The following HOXC12 variants were observed in gnomAD, a reference collection of about 807,000 sequenced individuals.
The protein encoded by HOXC12 is homeobox protein Hox-C12.
HOXC12 carries 24 observed loss-of-function variants against 20.9 expected under a neutral mutation model. The ratio of observed to expected loss-of-function variants is 1.15; its 90% CI spans 0.83 to 1.61. HOXC12 has a LOEUF of 1.61. Among genes scored for constraint, HOXC12 ranks in the 40% most tolerant of loss-of-function variants. The pLI, the probability that HOXC12 is intolerant of heterozygous loss-of-function variation, is 0.00. For missense variants in HOXC12, 436 were observed against 406.9 expected (o/e 1.07, Z -0.62); for synonymous variants, 202 against 197.7 (o/e 1.02, Z -0.18).
chr12:53,955,698 A>C (rs1592189572), intron 1 of HOXC12, among the ~76,000 whole-genome samples, 159 bp downstream of exon 1: 2 of 152,306 alleles, frequency 1.3e-5, no homozygotes, highest in East Asian at 3.9e-4. Flanking sequence ...ATAAACATGT[A>C]AACATCCCCA....
intron 1 of HOXC12, among the ~76,000 whole-genome samples, chr12:53,956,015 T>G (rs961297702): frequency 6.6e-6 from 1 of 151,646 alleles, no homozygotes; most frequent in Non-Finnish European, 1.5e-5. Context: ...AGAAGAAAAT[T>G]GGGGAGAGGT....
chr12:53,956,472 A>T lies in HOXC12; in HGVS notation c.755A>T (p.Asn252Ile). ...QRRRELSDRL[N>I]LSDQQVKIWF... ...CGGAGGGAACTCTCAGACCGCTTGA[A>T]TCTTAGTGACCAGCAGGTCAAGATC... The change falls in exon 2 of 2, where the codon AAT becomes ATT. Residue 252 changes from asparagine to isoleucine, a missense_variant. Coordinates refer to ENST00000243103, the MANE Select transcript of HOXC12 (RefSeq NM_173860.3). 6.2e-7 allele frequency: 1 copy of T among 1,614,224 alleles called. No individual in the cohort carries two copies. The highest frequency in any genetic ancestry group is 8.5e-7 in the Non-Finnish European group (1 of 1,180,040).
At position 53,955,399 on chromosome 12, in the gene HOXC12, C is replaced by A. The variant is rs1238877821; in HGVS notation, c.470C>A (p.Pro157Gln). 4.6e-6 allele frequency: 7 copies of A among 1,506,688 alleles called. No homozygotes were observed. Among genetic ancestry groups the A allele is most frequent in the African/African-American group, 4.3e-5 (3 of 69,740 alleles). 93.3% of individuals were successfully genotyped at this position (1,506,688 alleles called of 1,614,324 possible). A position where few individuals can be genotyped will look rare whatever the true frequency, so the allele number is the denominator to read the frequency against. The change falls in exon 1 of 2, where the codon CCG (proline) becomes CAG (glutamine). Residue 157 changes from proline (P) to glutamine (Q), a missense_variant. Coordinates refer to ENST00000243103, the MANE Select transcript of HOXC12 (RefSeq NM_173860.3). ...GACGGCGGCGGCGGCGCAGGACCTCCGCACGACCCGCCCTCCTGCCAGTCG... is the reference window on the plus strand; with the variant it reads ...GACGGCGGCGGCGGCGCAGGACCTCAGCACGACCCGCCCTCCTGCCAGTCG... ...GGDGGGGAGP[P>Q]HDPPSCQSLE... is the part of the protein sequence containing the mutation.
Position 53,955,166 on chromosome 12 carries a change from C to T in HOXC12, c.237C>T (p.Phe79=). The T allele has an allele frequency of 1.9e-6, 3 of 1,610,884 alleles. No individual in the cohort carries two copies. The highest frequency in any genetic ancestry group is 2.5e-6 in the Non-Finnish European group (3 of 1,179,066). The change falls in exon 1 of 2, where the codon TTC becomes TTT. Residue 79 remains phenylalanine, a synonymous_variant. Transcript: ENST00000243103. ...LGSPVSLNPP[F]GRTCELARVE... ...GCCCAGTGTCTCTCAACCCTCCCTT[C>T]GGCCGCACGTGCGAGCTGGCGCGCG...
rs780740978 is a variant in HOXC12 at position 53,954,941 on chromosome 12, T to C, written c.12T>C (p.His4=). 2.5e-6 allele frequency: 4 copies of C among 1,610,844 alleles called. No individual in the cohort carries two copies. The Admixed American group carries it at 6.7e-5, about 27-fold the overall frequency. Residue 4 remains histidine, a synonymous_variant, in exon 1 of 2, where the codon CAT becomes CAC. Coordinates refer to ENST00000243103, the MANE Select transcript of HOXC12 (RefSeq NM_173860.3). ...CGGGCCCCGCGGAAATGGGCGAGCA[T>C]AATCTCCTGAATCCCGGGTTTGTGG... MGE[H]NLLNPGFVGP... is the part of the protein sequence containing the mutation.
chr12:53,955,485 G>T lies in HOXC12; in HGVS notation c.556G>T (p.Asp186Tyr). Residue 186 changes from aspartate to tyrosine, a missense_variant, in exon 1 of 2, where the codon GAC becomes TAC. Transcript: ENST00000243103. Reference protein sequence around the residue: ...NEGNKGAGAGDPGSLVSPLNP... With the variant: ...NEGNKGAGAGYPGSLVSPLNP... The stretch of plus-strand genomic sequence containing the variant: ...GGGCAACAAGGGCGCCGGCGCAGGC[G>T]ACCCCGGCAGCTTGGTATCGCCGTT... 1.3e-6 allele frequency: 2 copies of T among 1,495,814 alleles called. No individual in the cohort carries two copies. Among genetic ancestry groups the T allele is most frequent in the South Asian group, 1.3e-5 (1 of 79,476 alleles). 92.7% of individuals were successfully genotyped at this position (1,495,814 alleles called of 1,614,324 possible).
chr12:53,955,947 T>G (rs1938859335), intron 1 of HOXC12, among the ~76,000 whole-genome samples: 1 of 152,046 alleles, frequency 6.6e-6, no homozygotes, highest in African/African-American at 2.4e-5. Flanking sequence ...ATATCTGTTG[T>G]AACTGATCCG....
chr12:53,955,380 G>T lies in HOXC12; in HGVS notation c.451G>T (p.Gly151Cys). 1 of 1,465,262 alleles carries T rather than the reference G, an allele frequency of 6.8e-7. No homozygotes were observed. The highest frequency in any genetic ancestry group is 9.0e-7 in the Non-Finnish European group (1 of 1,114,884). The allele number at this position is 1,465,262 out of a possible 1,614,324, so 90.8% of individuals were successfully genotyped here. A position where few individuals can be genotyped will look rare whatever the true frequency, so the allele number is the denominator to read the frequency against. Residue 151 changes from glycine to cysteine, a missense_variant, in exon 1 of 2, where the codon GGC (glycine) becomes TGC (cysteine). Coordinates refer to ENST00000243103, the MANE Select transcript of HOXC12 (RefSeq NM_173860.3). Reference protein sequence around the residue: ...YAAGGGGGDGGGGAGPPHDPP... With the variant: ...YAAGGGGGDGCGGAGPPHDPP... ...GGCGGGCGGCGGCGGTGGCGACGGC[G>T]GCGGCGGCGCAGGACCTCCGCACGA...
In HOXC12 at chr12:53,955,007, C is replaced by G; in HGVS notation, c.78C>G (p.Phe26Leu). 2 of 1,614,256 alleles carry G rather than the reference C, an allele frequency of 1.2e-6. No homozygotes were observed. Among genetic ancestry groups the G allele is most frequent in the East Asian group, 4.5e-5 (2 of 44,890 alleles). Residue 26 changes from phenylalanine to leucine, a missense_variant, in exon 1 of 2, where the codon TTC becomes TTG. Coordinates refer to ENST00000243103, the MANE Select transcript of HOXC12 (RefSeq NM_173860.3). ...TCCACACGGGAGACACCTTCTACTT[C>G]CCCAACTTCCGCGCGTCCGGGGCGC... Reference protein sequence around the residue: ...VNIHTGDTFYFPNFRASGAQL... With the variant: ...VNIHTGDTFYLPNFRASGAQL...
rs990335795 is a variant in HOXC12, at chr12:53,958,210, C to T, written c.*1644C>T. On this transcript the variant is annotated 3_prime_UTR_variant, in exon 2 of 2. Coordinates refer to ENST00000243103, the MANE Select transcript of HOXC12 (RefSeq NM_173860.3). ...AACAAACTCTCCAAAGGCAATCCAC[C>T]GAGCTTTTTACTCTCCCACCAGCAC... 3 of 152,464 alleles carry T rather than the reference C, an allele frequency of 2.0e-5. No individual in the cohort carries two copies. The highest frequency in any genetic ancestry group is 1.9e-4 in the East Asian group (1 of 5,186). The allele number at this position is 152,464 out of a possible 1,614,324, so 9.4% of individuals were successfully genotyped here.
intron 1 of HOXC12, 63 bp downstream of exon 1, chr12:53,955,602 C>A: frequency 7.5e-7 from 1 of 1,331,590 alleles, no homozygotes; most frequent in Non-Finnish European, 9.6e-7. Context: ...GCGGGCAGAA[C>A]AGGACTGAGC....
In HOXC12 at chr12:53,955,509, T is replaced by C; in HGVS notation, c.580T>C (p.Leu194=). Residue 194 remains leucine (L), a synonymous_variant, in exon 1 of 2, where the codon TTG becomes CTG. Transcript: ENST00000243103. ...CGACCCCGGCAGCTTGGTATCGCCGTTGAACCCCGGCGGCGGGCTCTCGGC... is the reference window on the plus strand; with the variant it reads ...CGACCCCGGCAGCTTGGTATCGCCGCTGAACCCCGGCGGCGGGCTCTCGGC... The part of the protein sequence containing the change: ...AGDPGSLVSP[L]NPGGGLSASG... The C allele has an allele frequency of 6.8e-7, 1 of 1,473,368 alleles. No homozygotes were observed. The highest frequency in any genetic ancestry group is 9.0e-7 in the Non-Finnish European group (1 of 1,116,976). The allele number at this position is 1,473,368 out of a possible 1,614,324, so 91.3% of individuals were successfully genotyped here.
chr12:53,955,636 T>C, intron 1 of HOXC12, 97 bp downstream of exon 1: 4 of 1,236,162 alleles, frequency 3.2e-6, no homozygotes, highest in Non-Finnish European at 4.1e-6. Context: ...GGTGACAGAA[T>C]GTGTGGCGAG....
At chr12:53,956,263 C>T in intron 1 of HOXC12, 65 bp from the exon 2 acceptor site, 2 of 1,350,806 alleles carry the variant, frequency 1.5e-6, no homozygotes, top group Non-Finnish European at 2.0e-6. Context: ...TGGGGAAGGG[C>T]CAAGGGCACT....
rs1457703442 is a variant in HOXC12 at position 53,955,420 on chromosome 12, A to C, written c.491A>C (p.Gln164Pro). Residue 164 changes from glutamine (Q) to proline (P), a missense_variant, in exon 1 of 2, where the codon CAG becomes CCG. Physicochemically the swap from Gln to Pro is moderately conservative, Grantham distance 76. Coordinates refer to ENST00000243103, the MANE Select transcript of HOXC12 (RefSeq NM_173860.3). Reference sequence around the variant, plus strand: ...CCTCCGCACGACCCGCCCTCCTGCCAGTCGCTGGAATCCGACTCCAGTTCG... The same window carrying C: ...CCTCCGCACGACCCGCCCTCCTGCCCGTCGCTGGAATCCGACTCCAGTTCG... ...AGPPHDPPSC[Q>P]SLESDSSSSL... 8 of 1,494,106 alleles carry C rather than the reference A, an allele frequency of 5.4e-6. No individual in the cohort carries two copies. Among genetic ancestry groups the C allele is most frequent in the Non-Finnish European group, 6.2e-6 (7 of 1,125,710 alleles). The allele number at this position is 1,494,106 out of a possible 1,614,324, so 92.6% of individuals were successfully genotyped here. A position where few individuals can be genotyped will look rare whatever the true frequency, so the allele number is the denominator to read the frequency against.
chr12:53,955,500 G>C lies in HOXC12; in HGVS notation c.571G>C (p.Val191Leu), dbSNP rs919310969. 1.6e-5 allele frequency: 24 copies of C among 1,484,048 alleles called. No homozygotes were observed. Among genetic ancestry groups the C allele is most frequent in the Admixed American group, 6.8e-5 (3 of 44,050 alleles). The allele number at this position is 1,484,048 out of a possible 1,614,324, so 91.9% of individuals were successfully genotyped here. The part of the protein sequence containing the change: ...GAGAGDPGSL[V>L]SPLNPGGGLS... Reference sequence around the variant, plus strand: ...CGGCGCAGGCGACCCCGGCAGCTTGGTATCGCCGTTGAACCCCGGCGGCGG... The same window carrying C: ...CGGCGCAGGCGACCCCGGCAGCTTGCTATCGCCGTTGAACCCCGGCGGCGG... The change falls in exon 1 of 2, where the codon GTA becomes CTA. Residue 191 changes from valine (V) to leucine (L), a missense_variant. Physicochemically the swap from Val to Leu is conservative, Grantham distance 32. Transcript: ENST00000243103.
chr12:53,956,253 TG>T, intron 1 of HOXC12, 74 bp from the exon 2 acceptor site: 2 of 1,228,874 alleles, frequency 1.6e-6, no homozygotes, highest in Non-Finnish European at 2.3e-6. Context: ...TGAAAGGGTC[TG>T]GGGAAGGGCC....
rs919779952 is a variant in HOXC12, at chr12:53,955,405, A to T, written c.476A>T (p.Asp159Val). 6.7e-7 allele frequency: 1 copy of T among 1,503,114 alleles called. No homozygotes were observed. The highest frequency in any genetic ancestry group is 1.2e-5 in the South Asian group (1 of 80,808). The allele number at this position is 1,503,114 out of a possible 1,614,324, so 93.1% of individuals were successfully genotyped here. A position where few individuals can be genotyped will look rare whatever the true frequency, so the allele number is the denominator to read the frequency against. ...DGGGGAGPPH[D>V]PPSCQSLESD... ...GGCGGCGGCGCAGGACCTCCGCACG[A>T]CCCGCCCTCCTGCCAGTCGCTGGAA... Residue 159 changes from aspartate to valine, a missense_variant, in exon 1 of 2, where the codon GAC becomes GTC. By Grantham distance (152) the Asp-to-Val change is radical. Transcript: ENST00000243103.
At position 53,955,529 on chromosome 12, in the gene HOXC12, C is replaced by T; in HGVS notation, c.600C>T (p.Leu200=). 6.8e-7 allele frequency: 1 copy of T among 1,460,548 alleles called. No homozygotes were observed. The highest frequency in any genetic ancestry group is 9.0e-7 in the Non-Finnish European group (1 of 1,110,296). 90.5% of individuals were successfully genotyped at this position (1,460,548 alleles called of 1,614,324 possible). The change falls in exon 1 of 2, where the codon CTC becomes CTT. Residue 200 remains leucine, a synonymous_variant. Transcript: ENST00000243103. ...CGCCGTTGAACCCCGGCGGCGGGCT[C>T]TCGGCCAGCGGTAAGGACCCCGGCC... is the stretch of plus-strand genomic sequence containing the variant. ...LVSPLNPGGG[L]SASGAPWYPI...
Sources: allele counts gnomAD v4.1 joint callset (sites outside exome capture counted in the v4.1 genomes callset), GRCh38; gene constraint gnomAD v4.1.1; transcripts MANE v1.5; gene names NCBI Gene and HGNC (gene_info 2026-07-23, HGNC 2026-07-21).